The following KCNQ1 variants were observed in gnomAD, a reference collection of about 807,000 sequenced individuals.
KCNQ1 encodes the protein potassium voltage-gated channel subfamily Q member 1, also known as potassium voltage-gated channel subfamily KQT member 1.
A neutral mutation model predicts 72.4 loss-of-function variants in KCNQ1; 49 were observed. The ratio of observed to expected loss-of-function variants is 0.68; its 90% CI spans 0.54 to 0.86. The LOEUF (loss-of-function observed/expected upper bound fraction) is 0.86, where lower values mean the gene tolerates loss of function less well. Ranked by LOEUF, KCNQ1 falls within the 40% of genes least tolerant of loss-of-function variation. The pLI is 0.00. For missense variants in KCNQ1, 790 were observed against 945.1 expected (o/e 0.84, Z 2.15); for synonymous variants, 450 against 412.6 (o/e 1.09, Z -1.10).
intron 1 of KCNQ1, among the ~76,000 whole-genome samples, chr11:2,456,747 CT>C (rs1846196081): frequency 2.3e-5 from 3 of 130,510 alleles, no homozygotes; most frequent in Non-Finnish European, 4.7e-5. Context: ...TGGTGAAACC[CT>C]GTCTCTACTA....
At chr11:2,570,551 G>A in intron 2 of KCNQ1, 77 bp from the exon 3 acceptor site, 2 of 1,592,478 alleles carry the variant, frequency 1.3e-6, no homozygotes, top group Non-Finnish European at 1.7e-6. Context: ...GCATGGCTGG[G>A]TTCAAACAGG....
In KCNQ1 at chr11:2,728,716, G is replaced by A. The variant is rs556270163; in HGVS notation, c.1515-40128G>A. 3.3e-5 allele frequency among the ~76,000 whole-genome samples: 5 copies of A among 152,300 alleles called. No individual in the cohort carries two copies. In the South Asian group the frequency reaches 1.0e-3, roughly 32 times the overall value. On this transcript the variant is annotated intron_variant, in intron 11 of 15. Transcript: ENST00000155840. ...GCCCAGAGTGCCAGGGGGACAGGAA[G>A]TCCCTGAGGGCTCCAGCTGCAGGAG...
rs2237878 is a variant in KCNQ1, at chr11:2,745,052, G to A, written c.1515-23792G>A. 0.097 allele frequency among the ~76,000 whole-genome samples: 14,762 copies of A among 152,120 alleles called. 847 individuals carry two copies. Among genetic ancestry groups the A allele is most frequent in the East Asian group, 0.27 (1,416 of 5,164 alleles). ...AGACCTGATGCTCTGGTTTAGAAAC[G>A]GGTTCTAATGCCCAGAAGAGCTCCT... is the stretch of plus-strand genomic sequence containing the variant. On this transcript the variant is annotated intron_variant, in intron 11 of 15. Transcript: ENST00000155840. This position sits in a 1 kb window ranked among gnomAD's most constrained non-coding sequence, Gnocchi z 6.2.
chr11:2,643,468 G>A (rs1849611036), intron 10 of KCNQ1: 1 of 398,260 alleles, frequency 2.5e-6, no homozygotes, highest in Non-Finnish European at 4.4e-6. Flanking sequence ...TGAAAGTATA[G>A]CTACTCCTGT....
Position 2,645,724 on chromosome 11 carries a change from G to A in KCNQ1, c.1394-16237G>A. On this transcript the variant is annotated intron_variant, in intron 10 of 15. Transcript: ENST00000155840. This position sits in a 1 kb window ranked among gnomAD's most constrained non-coding sequence, Gnocchi z 5.8. Reference sequence around the variant, plus strand: ...AGTCAGGAGTGGCAACCAGCTTTGTGTAAGGGATGTCCATGGGGCTCCAGG... The same window carrying A: ...AGTCAGGAGTGGCAACCAGCTTTGTATAAGGGATGTCCATGGGGCTCCAGG... The A allele has an allele frequency of 2.5e-6, 1 of 398,876 alleles. No homozygotes were observed. Among genetic ancestry groups the A allele is most frequent in the Non-Finnish European group, 4.4e-6 (1 of 226,258 alleles). 24.7% of individuals were successfully genotyped at this position (398,876 alleles called of 1,614,324 possible).
chr11:2,678,793 G>C lies in KCNQ1; in HGVS notation c.1514+16712G>C. The C allele has an allele frequency of 2.5e-6, 1 of 398,608 alleles. No homozygotes were observed. Among genetic ancestry groups the C allele is most frequent in the Non-Finnish European group, 4.4e-6 (1 of 226,068 alleles). The allele number at this position is 398,608 out of a possible 1,614,324, so 24.7% of individuals were successfully genotyped here. On this transcript the variant is annotated intron_variant, in intron 11 of 15. Transcript: ENST00000155840. The surrounding 1 kb of genome is among the most constrained non-coding windows in gnomAD (Gnocchi z 4.9). ...TTCATCGTGGCAGCTAATAATGTCAGGGAGCATGAGCACTTGTTTCTTCCA... is the reference window on the plus strand; with the variant it reads ...TTCATCGTGGCAGCTAATAATGTCACGGAGCATGAGCACTTGTTTCTTCCA...
intron 10 of KCNQ1, chr11:2,628,305 T>C (rs886996887): frequency 1.0e-5 from 4 of 398,462 alleles, no homozygotes; most frequent in Middle Eastern, 6.2e-4. Flanking sequence ...CTTGCTATCT[T>C]TTGACTTTTT....
chr11:2,733,798 ACACACACACACACACACTCTCT>A (rs1845894762), intron 11 of KCNQ1, among the ~76,000 whole-genome samples: 3 of 66,140 alleles, frequency 4.5e-5, no homozygotes, highest in African/African-American at 1.6e-4. Flanking sequence ...ACACACACAC[ACACACACACACACACACTCTCT>A]CACTCTCTCT....
Position 2,445,240 on chromosome 11 carries a change from G to A in KCNQ1, c.142G>A (p.Gly48Ser). 1 of 1,165,770 alleles carries A rather than the reference G, an allele frequency of 8.6e-7. No homozygotes were observed. The allele number at this position is 1,165,770 out of a possible 1,614,324, so 72.2% of individuals were successfully genotyped here. A position where few individuals can be genotyped will look rare whatever the true frequency, so the allele number is the denominator to read the frequency against. Residue 48 changes from glycine to serine, a missense_variant, in exon 1 of 16, where the codon GGC becomes AGC. Physicochemically the swap from Gly to Ser is moderately conservative, Grantham distance 56. Transcript: ENST00000155840. ...GCTGGCGGAGGGCGGCCCGGCGGGC[G>A]GCGCGCTCTACGCGCCCATCGCGCC... is the stretch of plus-strand genomic sequence containing the variant. ...LELAEGGPAG[G>S]ALYAPIAPGA...
Position 2,585,310 on chromosome 11 carries a change from G to T in KCNQ1, c.1128+3G>T. ...CGGCGGCAGCCTCACTCATTCAGGT[G>T]CGGTGCCTGCAAGGCCCTGGTCACT... On this transcript the variant is annotated splice_donor_region_variant and intron_variant, in intron 8 of 15. Coordinates refer to ENST00000155840, the MANE Select transcript of KCNQ1 (RefSeq NM_000218.3). The T allele has an allele frequency of 6.2e-7, 1 of 1,612,872 alleles. No individual in the cohort carries two copies. The highest frequency in any genetic ancestry group is 1.7e-4 in the Middle Eastern group (1 of 6,058).
At chr11:2,575,950 C>T (rs1258963774) in intron 6 of KCNQ1, among the ~76,000 whole-genome samples, 2 of 152,256 alleles carry the variant, frequency 1.3e-5, no homozygotes, top group Admixed American at 1.3e-4. Context: ...GAAATTTCCT[C>T]TCCTCTCCCC....
chr11:2,526,526 G>A lies in KCNQ1; in HGVS notation c.387-1402G>A, dbSNP rs1303551275. On this transcript the variant is annotated intron_variant, in intron 1 of 15. Transcript: ENST00000155840. This position sits in a 1 kb window ranked among gnomAD's most constrained non-coding sequence, Gnocchi z 6.1. ...TTTGGGTAGGGCTACCAGAGGCCAG[G>A]AAAGGATTGTCCTGTCCACAGGAGC... 6.6e-6 allele frequency among the ~76,000 whole-genome samples: 1 copy of A among 152,114 alleles called. No individual in the cohort carries two copies. Among genetic ancestry groups the A allele is most frequent in the Non-Finnish European group, 1.5e-5 (1 of 68,002 alleles).
chr11:2,609,375 A>G (rs1848938457), intron 10 of KCNQ1: 1 of 398,326 alleles, frequency 2.5e-6, no homozygotes, highest in South Asian at 1.3e-4. Context: ...CATTATATTC[A>G]GAAAAAGATA....
In KCNQ1 at chr11:2,538,630, TA is replaced by T. The variant is rs1847774317; in HGVS notation, c.477+10613del. 6.6e-6 allele frequency among the ~76,000 whole-genome samples: 1 copy of T among 151,888 alleles called. No individual in the cohort carries two copies. The highest frequency in any genetic ancestry group is 1.5e-5 in the Non-Finnish European group (1 of 67,984). On this transcript the variant is annotated intron_variant, in intron 2 of 15. Coordinates refer to ENST00000155840, the MANE Select transcript of KCNQ1 (RefSeq NM_000218.3). This position sits in a 1 kb window ranked among gnomAD's most constrained non-coding sequence, Gnocchi z 6.7. ...GGAACCGGAACGTTCCCCGAGTACA[TA>T]GGAATCCTGGGCTGGAACCGGAAAC...
intron 11 of KCNQ1, among the ~76,000 whole-genome samples, chr11:2,709,556 G>C (rs1017168382): frequency 6.6e-6 from 1 of 151,982 alleles, no homozygotes; most frequent in Non-Finnish European, 1.5e-5. Context: ...TCAGAGTTGC[G>C]CAACCATCAC....
Position 2,752,269 on chromosome 11 carries a change from G to C in KCNQ1, c.1515-16575G>C, listed in dbSNP as rs1846239128. On this transcript the variant is annotated intron_variant, in intron 11 of 15. Coordinates refer to ENST00000155840, the MANE Select transcript of KCNQ1 (RefSeq NM_000218.3). The surrounding 1 kb of genome is among the most constrained non-coding windows in gnomAD (Gnocchi z 5.2). ...AACCCAGCTGAGTGGCTTCCATGGA[G>C]CTGATCTGAACCCAGCTGAGTGGCT... Among the ~76,000 whole-genome samples the C allele has an allele frequency of 6.6e-6, 1 of 151,634 alleles. No homozygotes were observed. The highest frequency in any genetic ancestry group is 1.5e-5 in the Non-Finnish European group (1 of 68,036).
chr11:2,546,202 T>C (rs1847900740), intron 2 of KCNQ1, among the ~76,000 whole-genome samples: 1 of 152,210 alleles, frequency 6.6e-6, no homozygotes. Context: ...TAACTTCTTC[T>C]CTGGTGTATG....
chr11:2,807,134 C>T (rs1392630132), intron 15 of KCNQ1, among the ~76,000 whole-genome samples: 2 of 152,198 alleles, frequency 1.3e-5, no homozygotes, highest in Admixed American at 1.3e-4. Flanking sequence ...TGCTTTAGCC[C>T]GTTTGGAAGT....
rs78746130 is a variant in KCNQ1, at chr11:2,571,661, G to T, written c.683+258G>T. On this transcript the variant is annotated intron_variant, in intron 4 of 15. Coordinates refer to ENST00000155840, the MANE Select transcript of KCNQ1 (RefSeq NM_000218.3). ...CAGCACTAGCGCCTCTGAACTTCCA[G>T]GACTTGGGTGGTAACCTGACCATCT... 3.5e-3 allele frequency among the ~76,000 whole-genome samples: 536 copies of T among 152,214 alleles called. 1 individual carries two copies. Among genetic ancestry groups the T allele is most frequent in the African/African-American group, 0.012 (516 of 41,528 alleles).
Sources: allele counts gnomAD v4.1 joint callset (sites outside exome capture counted in the v4.1 genomes callset), GRCh38; gene constraint gnomAD v4.1.1; non-coding constraint Gnocchi (gnomAD v3.1); transcripts MANE v1.5; gene names NCBI Gene and HGNC (gene_info 2026-07-23, HGNC 2026-07-21).